The following ZDHHC4 variants were observed in gnomAD, a reference collection of about 807,000 sequenced individuals.
ZDHHC4 encodes zDHHC palmitoyltransferase 4.
In ZDHHC4, 42 loss-of-function variants were observed where a neutral mutation model predicts 36.7. That is an observed-to-expected ratio of 1.14 (90% CI 0.89 to 1.48). ZDHHC4 has a LOEUF of 1.48. Ranked by LOEUF, ZDHHC4 falls within the 40% of genes most tolerant of loss-of-function variation. ZDHHC4 has a pLI of 0.00. For synonymous variants in ZDHHC4, 189 were observed against 166.6 expected (o/e 1.13, Z -1.03); for missense variants, 457 against 421.5 (o/e 1.08, Z -0.74).
chr7:6,589,279 G>A lies in ZDHHC4; in HGVS notation c.*369G>A. The A allele has an allele frequency of 4.3e-6, 1 of 230,246 alleles. No homozygotes were observed. Among genetic ancestry groups the A allele is most frequent in the Non-Finnish European group, 8.8e-6 (1 of 113,552 alleles). 14.3% of individuals were successfully genotyped at this position (230,246 alleles called of 1,614,324 possible). The stretch of plus-strand genomic sequence containing the variant: ...ACTCAGCGCCTGCGCGTTGTGCCTG[G>A]CTGTGCTCTCTTTTATGCCCCCTCT... On this transcript the variant is annotated 3_prime_UTR_variant, in exon 8 of 8. Coordinates refer to ENST00000335965, the MANE Select transcript of ZDHHC4 (RefSeq NM_001134389.2).
Position 6,589,335 on chromosome 7 carries a change from C to T in ZDHHC4, c.*425C>T, listed in dbSNP as rs929806795. On this transcript the variant is annotated 3_prime_UTR_variant, in exon 8 of 8. Coordinates refer to ENST00000335965, the MANE Select transcript of ZDHHC4 (RefSeq NM_001134389.2). ...CCTCTCTCCCCCAGGGGATTTTCAT[C>T]TCAACAACAGAGTGTCCTCACCCAG... is the stretch of plus-strand genomic sequence containing the variant. 3.1e-5 allele frequency: 6 copies of T among 191,192 alleles called. No homozygotes were observed. The highest frequency in any genetic ancestry group is 1.2e-4 in the African/African-American group (5 of 43,388). The allele number at this position is 191,192 out of a possible 1,614,324, so 11.8% of individuals were successfully genotyped here.
chr7:6,581,484 C>G (rs1780850352), intron 3 of ZDHHC4, 123 bp from the exon 4 acceptor site: 3 of 722,792 alleles, frequency 4.2e-6, no homozygotes, highest in Non-Finnish European at 7.4e-6. Flanking sequence ...CACTTCTTCA[C>G]CCATATAGGG....
chr7:6,580,543 G>A lies in ZDHHC4; in HGVS notation c.-7-12G>A, dbSNP rs775106261. On this transcript the variant is annotated splice_polypyrimidine_tract_variant and intron_variant, in intron 2 of 7. Coordinates refer to ENST00000335965, the MANE Select transcript of ZDHHC4 (RefSeq NM_001134389.2). Reference sequence around the variant, plus strand: ...AGTAGCAGATAGTCACACTCTTTCTGTTCCTTTGTAGCTGCAGGATGGACT... The same window carrying A: ...AGTAGCAGATAGTCACACTCTTTCTATTCCTTTGTAGCTGCAGGATGGACT... 1.2e-6 allele frequency: 2 copies of A among 1,608,114 alleles called. No individual in the cohort carries two copies. The highest frequency in any genetic ancestry group is 2.2e-5 in the South Asian group (2 of 90,978).
chr7:6,581,028 G>A (rs768985399), intron 3 of ZDHHC4: 1 of 291,690 alleles, frequency 3.4e-6, no homozygotes, highest in Non-Finnish European at 6.5e-6. Flanking sequence ...CCTGCTGAAA[G>A]TCCTCTTGCG....
chr7:6,579,761 A>G (rs1780707807), intron 2 of ZDHHC4, among the ~76,000 whole-genome samples: 2 of 152,216 alleles, frequency 1.3e-5, no homozygotes, highest in African/African-American at 2.4e-5. Context: ...AGGAGGATGC[A>G]TGTTCTTTCT....
intron 6 of ZDHHC4, chr7:6,583,662 C>A: frequency 2.2e-6 from 1 of 461,150 alleles, no homozygotes; most frequent in Non-Finnish European, 3.7e-6. Context: ...CCTTCCCTCG[C>A]CACGTGGCAG....
At chr7:6,581,422 C>A (rs570271797) in intron 3 of ZDHHC4, among the ~76,000 whole-genome samples, 185 bp from the exon 4 acceptor site, 1 of 152,254 alleles carries the variant, frequency 6.6e-6, no homozygotes, top group East Asian at 1.9e-4. Context: ...ATGGAGTTGG[C>A]GTGAAAGGAA....
intron 5 of ZDHHC4, 136 bp downstream of exon 5, chr7:6,582,387 G>T: frequency 3.4e-6 from 3 of 880,328 alleles, no homozygotes; most frequent in East Asian, 2.5e-5. Flanking sequence ...TTTCAGTTTT[G>T]AGTGTTTTCT....
intron 3 of ZDHHC4, chr7:6,581,159 C>T: frequency 9.2e-6 from 2 of 217,812 alleles, no homozygotes; most frequent in South Asian, 5.9e-5. Flanking sequence ...CAGCAGAAAG[C>T]TCAGCATTGG....
intron 3 of ZDHHC4, 49 bp downstream of exon 3, chr7:6,580,727 T>A (rs776787129): frequency 2.1e-5 from 33 of 1,564,976 alleles, no homozygotes; most frequent in Non-Finnish European, 2.9e-5. Context: ...TGTGTTAGTC[T>A]AAGAGACTCA....
chr7:6,583,273 C>T, intron 5 of ZDHHC4, 33 bp from the exon 6 acceptor site: 1 of 1,611,536 alleles, frequency 6.2e-7, no homozygotes. Context: ...CAAAGTATTG[C>T]ACGAAACTGA....
rs1358491045 is a variant in ZDHHC4 at position 6,582,234 on chromosome 7, C to A, written c.353C>A (p.Thr118Asn). The A allele has an allele frequency of 6.2e-7, 1 of 1,614,036 alleles. No homozygotes were observed. Among genetic ancestry groups the A allele is most frequent in the Non-Finnish European group, 8.5e-7 (1 of 1,179,978 alleles). Residue 118 changes from threonine to asparagine, a missense_variant, in exon 5 of 8, where the codon ACT (threonine) becomes AAT (asparagine). Thr to Asn is a moderately conservative substitution (Grantham distance 65). Transcript: ENST00000335965. ...GTAAACCTGTTTTTTTTCACCCTGA[C>A]TTGTGGAACCAATCCTGGTAAGTTG... ...LGVNLFFFTLTCGTNPGIITK... is the reference protein window; with the variant it reads ...LGVNLFFFTLNCGTNPGIITK...
chr7:6,588,759 G>A lies in ZDHHC4; in HGVS notation c.884G>A (p.Trp295Ter). The A allele has an allele frequency of 1.9e-6, 3 of 1,614,204 alleles. No individual in the cohort carries two copies. The highest frequency in any genetic ancestry group is 2.5e-6 in the Non-Finnish European group (3 of 1,180,036). Residue 295 changes from tryptophan (W) to a stop codon, truncating the protein, a stop_gained, in exon 8 of 8, where the codon TGG becomes TAG. Coordinates refer to ENST00000335965, the MANE Select transcript of ZDHHC4 (RefSeq NM_001134389.2). LOFTEE classifies it high-confidence loss of function. Reference protein sequence around the residue: ...QTTNEWYRGDWAWCQRCPLVA... With the variant: ...QTTNEWYRGD Reference sequence around the variant, plus strand: ...ACTAACGAGTGGTACAGAGGTGACTGGGCCTGGTGCCAGCGTTGTCCCCTT... The same window carrying A: ...ACTAACGAGTGGTACAGAGGTGACTAGGCCTGGTGCCAGCGTTGTCCCCTT...
chr7:6,579,536 A>G (rs1780693314), intron 2 of ZDHHC4, among the ~76,000 whole-genome samples: 1 of 151,906 alleles, frequency 6.6e-6, no homozygotes, highest in African/African-American at 2.4e-5. Context: ...CTGTGTGTTG[A>G]CTCTGGTTCC....
Position 6,585,146 on chromosome 7 carries a change from C to A in ZDHHC4, c.627C>A (p.Ala209=). The A allele has an allele frequency of 6.2e-7, 1 of 1,614,156 alleles. No homozygotes were observed. Among genetic ancestry groups the A allele is most frequent in the Non-Finnish European group, 8.5e-7 (1 of 1,180,040 alleles). The part of the protein sequence containing the change: ...LTLTASAATV[A]IVSTTFLVHL... ...TGACGGCCTCGGCTGCCACCGTCGC[C>A]ATTGTGAGCACCACTTTTCTGGTCC... The change falls in exon 7 of 8, where the codon GCC becomes GCA. Residue 209 remains alanine (A), a synonymous_variant. Coordinates refer to ENST00000335965, the MANE Select transcript of ZDHHC4 (RefSeq NM_001134389.2).
At chr7:6,580,238 C>T (rs1021688680) in intron 2 of ZDHHC4, among the ~76,000 whole-genome samples, 5 of 151,984 alleles carry the variant, frequency 3.3e-5, no homozygotes, top group African/African-American at 9.7e-5. Context: ...TGAGCTCAAG[C>T]GATCCACCCA....
rs566806865 is a variant in ZDHHC4, at chr7:6,588,610, CT to C, written c.742-6del. Reference sequence around the variant, plus strand: ...TGCCTAAAGCACTACCTTTTCTCTGCTCCTAGTACCTGTTCCTGACTTTTCC... The same window carrying C: ...TGCCTAAAGCACTACCTTTTCTCTGCCCTAGTACCTGTTCCTGACTTTTCC... On this transcript the variant is annotated splice_polypyrimidine_tract_variant and splice_region_variant and intron_variant, in intron 7 of 7. Transcript: ENST00000335965. 3.8e-4 allele frequency: 607 copies of C among 1,613,386 alleles called. 3 individuals carry two copies. In the African/African-American group the frequency reaches 7.4e-3, roughly 20 times the overall value.
chr7:6,587,197 A>G (rs1387082968), intron 7 of ZDHHC4, among the ~76,000 whole-genome samples: 2 of 152,072 alleles, frequency 1.3e-5, no homozygotes, highest in African/African-American at 4.8e-5. Context: ...GTGAGCCACC[A>G]TGACTGGCCC....
Position 6,588,853 on chromosome 7 carries a change from C to A in ZDHHC4, c.978C>A (p.Asn326Lys), listed in dbSNP as rs373412465. 3.1e-6 allele frequency: 5 copies of A among 1,612,670 alleles called. No homozygotes were observed. In the African/African-American group the frequency reaches 6.7e-5, roughly 22 times the overall value. ...RNIHSHGLRS[N>K]LQEIFLPAFP... ...TTCACTCCCATGGGCTTCGGAGCAA[C>A]CTTCAAGAGATCTTTCTACCTGCCT... The change falls in exon 8 of 8, where the codon AAC (asparagine) becomes AAA (lysine). Residue 326 changes from asparagine to lysine, a missense_variant. Transcript: ENST00000335965.
Sources: gnomAD v4.1 joint callset for allele counts (sites outside exome capture counted in the v4.1 genomes callset) on GRCh38, gnomAD v4.1.1 for gene constraint, MANE v1.5 for transcripts, NCBI Gene and HGNC (gene_info 2026-07-23, HGNC 2026-07-21) for gene names.